Variants in FHIP1A observed in about 807,000 individuals in gnomAD.
FHIP1A encodes FHF complex subunit HOOK interacting protein 1A.
FHIP1A carries 61 observed loss-of-function variants against 88.6 expected under a neutral mutation model. That is an observed-to-expected ratio of 0.69 (90% CI 0.56 to 0.85). The LOEUF (loss-of-function observed/expected upper bound fraction) is 0.85, where lower values mean the gene tolerates loss of function less well. FHIP1A is among the 40% of genes least tolerant of loss of function. FHIP1A has a pLI of 0.00. For missense variants in FHIP1A, 1,154 were observed against 1,273.5 expected, an observed-to-expected ratio of 0.91 and a Z score of 1.43; for synonymous variants, 478 against 496.0, an observed-to-expected ratio of 0.96 and a Z score of 0.48.
intron 3 of FHIP1A, among the ~76,000 whole-genome samples, chr4:151,507,829 G>T (rs1390227161): frequency 6.6e-6 from 1 of 152,170 alleles, no homozygotes; most frequent in Non-Finnish European, 1.5e-5. Flanking sequence ...AAGGGATCAG[G>T]AGCTGAAAAG....
At chr4:151,455,048 T>C (rs1728920953) in intron 2 of FHIP1A, among the ~76,000 whole-genome samples, 1 of 152,192 alleles carries the variant, frequency 6.6e-6, no homozygotes, top group Non-Finnish European at 1.5e-5. Context: ...TTTGCCATTC[T>C]GAACTCTGAT....
intron 3 of FHIP1A, among the ~76,000 whole-genome samples, chr4:151,524,021 GTTA>G (rs1437845022): frequency 6.6e-6 from 1 of 152,074 alleles, no homozygotes; most frequent in African/African-American, 2.4e-5. Context: ...TTTTAAAAAT[GTTA>G]TTATTGGCCA....
At chr4:151,582,162 C>T (rs577134882) in intron 5 of FHIP1A, among the ~76,000 whole-genome samples, 6 of 152,184 alleles carry the variant, frequency 3.9e-5, no homozygotes, top group African/African-American at 1.4e-4. Context: ...TTATTTATCC[C>T]GTATCCAAAA....
chr4:151,414,199 C>T (rs1170035258), intron 1 of FHIP1A, among the ~76,000 whole-genome samples: 5 of 152,000 alleles, frequency 3.3e-5, no homozygotes, highest in African/African-American at 9.7e-5. Context: ...TACAGGCATG[C>T]GCCACCATGC....
intron 1 of FHIP1A, among the ~76,000 whole-genome samples, chr4:151,415,887 A>G (rs972744178): frequency 3.3e-5 from 5 of 151,876 alleles, no homozygotes; most frequent in Admixed American, 3.3e-4. Flanking sequence ...GGTAACAGCT[A>G]TAAAAATACT....
rs1734754831 is a variant in FHIP1A at position 151,598,944 on chromosome 4, A to G, written c.978+10018A>G. Among the ~76,000 whole-genome samples, 3 of 152,216 alleles carry G rather than the reference A, an allele frequency of 2.0e-5. No individual in the cohort carries two copies. The South Asian group carries it at 6.2e-4, about 31-fold the overall frequency. On this transcript the variant is annotated intron_variant, in intron 7 of 13. Coordinates refer to ENST00000435205, the MANE Select transcript of FHIP1A (RefSeq NM_001109977.3). ...TATTTGTATGTTGTGTAGAAAAAAC[A>G]GTAATGTATTTGATTATAGGTGCTG...
intron 7 of FHIP1A, among the ~76,000 whole-genome samples, chr4:151,589,487 T>G (rs1281391228): frequency 6.6e-6 from 1 of 152,230 alleles, no homozygotes; most frequent in Non-Finnish European, 1.5e-5. Context: ...CTGATATCTT[T>G]TCCATTGTGA....
At chr4:151,428,319 A>G (rs761707288) in intron 1 of FHIP1A, among the ~76,000 whole-genome samples, 2 of 152,198 alleles carry the variant, frequency 1.3e-5, no homozygotes, top group African/African-American at 4.8e-5. Context: ...TAACATTTGT[A>G]TGATGGTTTT....
chr4:151,487,773 C>A (rs1730140552), intron 3 of FHIP1A, among the ~76,000 whole-genome samples: 1 of 152,180 alleles, frequency 6.6e-6, no homozygotes, highest in African/African-American at 2.4e-5. Flanking sequence ...AACCGAACCA[C>A]ATAGAGTTTA....
intron 3 of FHIP1A, among the ~76,000 whole-genome samples, chr4:151,497,044 G>T (rs1187977478): frequency 1.3e-5 from 2 of 152,138 alleles, no homozygotes; most frequent in African/African-American, 2.4e-5. Flanking sequence ...ACCTGGGGAT[G>T]GGAATGCAAG....
chr4:151,413,572 A>G (rs1039152767), intron 1 of FHIP1A, among the ~76,000 whole-genome samples: 6 of 152,140 alleles, frequency 3.9e-5, no homozygotes, highest in Non-Finnish European at 7.3e-5. Context: ...CTCCTGCCTC[A>G]ACCTCCCGAG....
At chr4:151,451,614 A>G (rs1341593068) in intron 1 of FHIP1A, among the ~76,000 whole-genome samples, 2 of 152,180 alleles carry the variant, frequency 1.3e-5, no homozygotes, top group African/African-American at 4.8e-5. Flanking sequence ...GAAGTAGATG[A>G]TAAGAGGTCA....
chr4:151,572,064 A>C (rs1733622186), intron 4 of FHIP1A, among the ~76,000 whole-genome samples: 2 of 152,136 alleles, frequency 1.3e-5, no homozygotes, highest in Non-Finnish European at 2.9e-5. Context: ...AAAGTTAGCC[A>C]GGTGTGGTGG....
chr4:151,411,343 A>ATTCTTTTTTTTTTTTTTT lies in FHIP1A; in HGVS notation c.-356+1879_-356+1880insTCTTTTTTTTTTTTTTTT, dbSNP rs370374898. ...AATTGCCTCTGAGGAGTGAAATTAT[A>ATTCTTTTTTTTTTTTTTT]TATATATTTTTTTTTTTTTAAAGTT... On this transcript the variant is annotated intron_variant, in intron 1 of 13. Coordinates refer to ENST00000435205, the MANE Select transcript of FHIP1A (RefSeq NM_001109977.3). Among the ~76,000 whole-genome samples, 77 of 112,224 alleles carry ATTCTTTTTTTTTTTTTTT rather than the reference A, an allele frequency of 6.9e-4. 12 individuals carry two copies. Among genetic ancestry groups the ATTCTTTTTTTTTTTTTTT allele is most frequent in the African/African-American group, 1.8e-3 (49 of 27,428 alleles). 73.6% of individuals were successfully genotyped at this position (112,224 alleles called of 152,430 possible).
chr4:151,471,890 T>C (rs1561510223), intron 2 of FHIP1A, among the ~76,000 whole-genome samples: 3 of 152,220 alleles, frequency 2.0e-5, no homozygotes, highest in African/African-American at 7.2e-5. Context: ...ATTCCTGGGT[T>C]ACTTAACTTA....
intron 3 of FHIP1A, among the ~76,000 whole-genome samples, chr4:151,529,703 G>T (rs886471372): frequency 6.6e-6 from 1 of 152,218 alleles, no homozygotes; most frequent in Non-Finnish European, 1.5e-5. Context: ...CACAGCTGGG[G>T]TGAAGAGTAC....
intron 3 of FHIP1A, among the ~76,000 whole-genome samples, chr4:151,526,905 C>T (rs542714882): frequency 0.016 from 2,336 of 148,118 alleles, 22 homozygotes; most frequent in Non-Finnish European, 0.025. Flanking sequence ...GGCAGAGGCG[C>T]TCCCCACATC....
chr4:151,629,923 A>G (rs914934964), intron 8 of FHIP1A, 54 bp downstream of exon 8: 11 of 1,385,792 alleles, frequency 7.9e-6, no homozygotes, highest in Non-Finnish European at 1.1e-5. Context: ...ATTTCAGGAG[A>G]GTTTTTTTTT....
At chr4:151,435,548 G>T (rs1728143712) in intron 1 of FHIP1A, among the ~76,000 whole-genome samples, 1 of 152,168 alleles carries the variant, frequency 6.6e-6, no homozygotes, top group Non-Finnish European at 1.5e-5. Flanking sequence ...ACTTTGGGAG[G>T]CTGAGGCGGC....
Sources: allele counts gnomAD v4.1 joint callset (sites outside exome capture counted in the v4.1 genomes callset), GRCh38; gene constraint gnomAD v4.1.1; transcripts MANE v1.5; gene names NCBI Gene and HGNC (gene_info 2026-07-23, HGNC 2026-07-21).